PKNOX2: variants seen among roughly 807,000 people sequenced by gnomAD.
The protein encoded by PKNOX2 is homeobox protein PKNOX2.
Under a neutral mutation model 53.1 loss-of-function variants are expected in PKNOX2, and 14 were observed. That is an observed-to-expected ratio of 0.26 (90% confidence interval 0.17 to 0.41). The LOEUF (loss-of-function observed/expected upper bound fraction) is 0.41, where lower values mean the gene tolerates loss of function less well. Ranked by LOEUF, PKNOX2 falls within the 10% of genes least tolerant of loss-of-function variation. The probability of loss-of-function intolerance (pLI) is 1.00; values close to 1 mark genes in which losing one functional copy is unlikely to be tolerated. For missense variants in PKNOX2, 496 were observed against 602.8 expected, an observed-to-expected ratio of 0.82 and a Z score of 1.85; for synonymous variants, 257 against 242.8, an observed-to-expected ratio of 1.06 and a Z score of -0.54.
At chr11:125,297,544 CA>C (rs1418821326) in intron 2 of PKNOX2, among the ~76,000 whole-genome samples, 2 of 152,178 alleles carry the variant, frequency 1.3e-5, no homozygotes. Context: ...GAGGAGGTGA[CA>C]TTTGCGATGA....
intron 2 of PKNOX2, among the ~76,000 whole-genome samples, chr11:125,317,930 T>G (rs944049115): frequency 3.3e-5 from 5 of 152,220 alleles, no homozygotes; most frequent in African/African-American, 1.2e-4. Flanking sequence ...TTGTCTACAC[T>G]GAAAAAATTT....
intron 3 of PKNOX2, among the ~76,000 whole-genome samples, chr11:125,344,877 T>C (rs1160717818): frequency 1.2e-4 from 19 of 152,098 alleles, no homozygotes; most frequent in Admixed American, 1.2e-3. Flanking sequence ...TAGCTGGCCT[T>C]CAGGACACAG....
intron 2 of PKNOX2, chr11:125,258,692 G>A (rs1944597786): frequency 1.1e-5 from 2 of 186,258 alleles, no homozygotes; most frequent in African/African-American, 4.7e-5. Context: ...GGGCCAGAGA[G>A]GGAGCTGCAG....
At chr11:125,207,974 A>G (rs1411784041) in intron 1 of PKNOX2, among the ~76,000 whole-genome samples, 1 of 152,132 alleles carries the variant, frequency 6.6e-6, no homozygotes, top group African/African-American at 2.4e-5. Context: ...AATGCACTGA[A>G]TGGAATTCTG....
chr11:125,392,207 C>A (rs1954090938), intron 6 of PKNOX2, among the ~76,000 whole-genome samples: 1 of 152,184 alleles, frequency 6.6e-6, no homozygotes, highest in Admixed American at 6.5e-5. Flanking sequence ...TCCTTTAGCC[C>A]CTTTCAAATC....
intron 5 of PKNOX2, among the ~76,000 whole-genome samples, chr11:125,368,790 GA>G (rs1464478236): frequency 6.6e-6 from 1 of 152,204 alleles, no homozygotes; most frequent in African/African-American, 2.4e-5. Flanking sequence ...TGGGGAGGAA[GA>G]TGCTGTCACC....
rs373663762 is a variant in PKNOX2, at chr11:125,383,376, A to G, written c.228-2175A>G. ...TGTAATCCCAGCACTTTGGGAGGCC[A>G]AGGCAGGCAGATCACTTGAGGTCAC... On this transcript the variant is annotated intron_variant, in intron 5 of 12. Transcript: ENST00000298282. Among the ~76,000 whole-genome samples, 35 of 151,374 alleles carry G rather than the reference A, an allele frequency of 2.3e-4. 1 individual carries two copies. The highest frequency in any genetic ancestry group is 3.4e-3 in the Middle Eastern group (1 of 292).
intron 7 of PKNOX2, among the ~76,000 whole-genome samples, chr11:125,406,917 TAAAAAAAAAAAAAA>T (rs67687488): frequency 9.6e-5 from 4 of 41,716 alleles, no homozygotes; most frequent in South Asian, 1.5e-3. Flanking sequence ...AATCTATGTC[TAAAAAAAAAAAAAA>T]AAAAAAAAAA....
intron 7 of PKNOX2, among the ~76,000 whole-genome samples, chr11:125,405,083 G>A (rs1954997867): frequency 6.6e-6 from 1 of 152,154 alleles, no homozygotes; most frequent in Non-Finnish European, 1.5e-5. Context: ...AGGTGGCTGG[G>A]GCTGGCTCCG....
intron 1 of PKNOX2, among the ~76,000 whole-genome samples, chr11:125,222,763 GTGTA>G (rs1366839400): frequency 6.6e-6 from 1 of 150,980 alleles, no homozygotes; most frequent in Non-Finnish European, 1.5e-5. Context: ...CTGTGTATGT[GTGTA>G]TGTGTGTGTG....
intron 5 of PKNOX2, among the ~76,000 whole-genome samples, chr11:125,382,305 A>G (rs1031969010): frequency 2.6e-5 from 4 of 152,242 alleles, no homozygotes; most frequent in African/African-American, 9.6e-5. Flanking sequence ...ACCTTGGTGC[A>G]CACACATGCA....
intron 10 of PKNOX2, among the ~76,000 whole-genome samples, chr11:125,414,938 T>C (rs1241711922): frequency 6.6e-6 from 1 of 152,190 alleles, no homozygotes; most frequent in Non-Finnish European, 1.5e-5. Flanking sequence ...CAGAGGTAGA[T>C]AGCTGATTTG....
At chr11:125,237,787 C>T (rs542649029) in intron 2 of PKNOX2, among the ~76,000 whole-genome samples, 1 of 152,240 alleles carries the variant, frequency 6.6e-6, no homozygotes. Context: ...GTCTGTAACC[C>T]ACAGCTTCAA....
intron 5 of PKNOX2, among the ~76,000 whole-genome samples, chr11:125,368,856 A>T (rs1362010512): frequency 6.6e-6 from 1 of 152,150 alleles, no homozygotes; most frequent in Admixed American, 6.5e-5. Flanking sequence ...ATTAACCACT[A>T]AGAAGAGGTG....
rs905363744 is a variant in PKNOX2 at position 125,241,040 on chromosome 11, G to A, written c.-130+5925G>A. Among the ~76,000 whole-genome samples, 14 of 152,222 alleles carry A rather than the reference G, an allele frequency of 9.2e-5. 1 individual carries two copies. The highest frequency in any genetic ancestry group is 2.4e-5 in the African/African-American group (1 of 41,456). On this transcript the variant is annotated intron_variant, in intron 2 of 12. Coordinates refer to ENST00000298282, the MANE Select transcript of PKNOX2 (RefSeq NM_001382323.2). ...TAATGCTGCTGTGATATGCGGCCAT[G>A]CCATCCCCATGCTGGACCACCTCCA...
chr11:125,320,700 C>A (rs1335479841), intron 2 of PKNOX2, among the ~76,000 whole-genome samples: 1 of 152,180 alleles, frequency 6.6e-6, no homozygotes, highest in Non-Finnish European at 1.5e-5. Context: ...TTTCTTTCAC[C>A]TCAACAAATA....
At chr11:125,293,998 G>A (rs552508977) in intron 2 of PKNOX2, among the ~76,000 whole-genome samples, 1 of 152,314 alleles carries the variant, frequency 6.6e-6, no homozygotes, top group African/African-American at 2.4e-5. Context: ...ACAATTTTGA[G>A]CAATGAAAAA....
intron 2 of PKNOX2, among the ~76,000 whole-genome samples, chr11:125,280,250 T>A (rs1946464848): frequency 6.6e-6 from 1 of 152,172 alleles, no homozygotes. Flanking sequence ...GTTTTTAAAC[T>A]CCGGCTTTGA....
At chr11:125,387,797 G>A (rs111950989) in intron 6 of PKNOX2, among the ~76,000 whole-genome samples, 37 of 152,284 alleles carry the variant, frequency 2.4e-4, no homozygotes, top group African/African-American at 7.0e-4. Context: ...AGTTAGCCAT[G>A]GTCAATGACT....
Sources: allele counts gnomAD v4.1 joint callset (sites outside exome capture counted in the v4.1 genomes callset), GRCh38; gene constraint gnomAD v4.1.1; transcripts MANE v1.5; gene names NCBI Gene and HGNC (gene_info 2026-07-23, HGNC 2026-07-21).